RGS21: variants seen among roughly 807,000 people sequenced by gnomAD.
RGS21 encodes the protein regulator of G protein signaling 21.
RGS21 carries 19 observed loss-of-function variants against 18.7 expected under a neutral mutation model. The ratio of observed to expected loss-of-function variants is 1.01; its 90% CI spans 0.71 to 1.49. The LOEUF is 1.49. Ranked by LOEUF, RGS21 falls within the 40% of genes most tolerant of loss-of-function variation. The pLI is 0.00. For synonymous variants in RGS21, 56 were observed against 57.8 expected (o/e 0.97, Z 0.14); for missense variants, 194 against 176.8 (o/e 1.10, Z -0.55).
At chr1:192,344,358 G>A (rs1658916729) in intron 2 of RGS21, among the ~76,000 whole-genome samples, 1 of 152,028 alleles carries the variant, frequency 6.6e-6, no homozygotes, top group Non-Finnish European at 1.5e-5. Context: ...AGACAAACTT[G>A]TGTTTCAATT....
intron 1 of RGS21, among the ~76,000 whole-genome samples, chr1:192,334,223 G>A (rs982792526): frequency 6.6e-6 from 1 of 152,052 alleles, no homozygotes; most frequent in African/African-American, 2.4e-5. Context: ...TCCCCATCCA[G>A]CAGTTATTAA....
chr1:192,325,744 C>T (rs1658560684), intron 1 of RGS21, among the ~76,000 whole-genome samples: 1 of 151,968 alleles, frequency 6.6e-6, no homozygotes. Flanking sequence ...GTATGTATGT[C>T]CTCTTTTGAG....
At chr1:192,339,961 T>C (rs951543449) in intron 1 of RGS21, among the ~76,000 whole-genome samples, 1 of 152,048 alleles carries the variant, frequency 6.6e-6, no homozygotes, top group African/African-American at 2.4e-5. Flanking sequence ...ATATTATATA[T>C]GTATGTACAT....
intron 4 of RGS21, among the ~76,000 whole-genome samples, chr1:192,362,413 TA>T (rs1050342627): frequency 2.0e-5 from 3 of 151,510 alleles, no homozygotes; most frequent in East Asian, 1.9e-4. Flanking sequence ...AATTAGAAAA[TA>T]AAAAAAAGAA....
chr1:192,365,542 T>A (rs1207810120), intron 4 of RGS21, among the ~76,000 whole-genome samples: 1 of 152,146 alleles, frequency 6.6e-6, no homozygotes, highest in Non-Finnish European at 1.5e-5. Flanking sequence ...TATTCAAACC[T>A]AATAAATTCT....
At chr1:192,344,559 A>G (rs1557978440) in intron 2 of RGS21, among the ~76,000 whole-genome samples, 2 of 152,134 alleles carry the variant, frequency 1.3e-5, no homozygotes, top group Non-Finnish European at 2.9e-5. Flanking sequence ...TAGTGCTATT[A>G]TAAATATTGT....
chr1:192,357,897 C>T (rs1659132424), intron 4 of RGS21, among the ~76,000 whole-genome samples: 1 of 151,970 alleles, frequency 6.6e-6, no homozygotes, highest in Non-Finnish European at 1.5e-5. Flanking sequence ...TAATAATCTG[C>T]AGAATCATTC....
At chr1:192,348,775 A>G (rs1658992644) in intron 3 of RGS21, among the ~76,000 whole-genome samples, 1 of 152,136 alleles carries the variant, frequency 6.6e-6, no homozygotes, top group Non-Finnish European at 1.5e-5. Context: ...TTATAATATT[A>G]TTTGTATAAA....
intron 4 of RGS21, among the ~76,000 whole-genome samples, chr1:192,362,041 T>C (rs1659193670): frequency 6.6e-6 from 1 of 152,054 alleles, no homozygotes; most frequent in Non-Finnish European, 1.5e-5. Context: ...TAAACAAAAG[T>C]TTTAGGTAAA....
chr1:192,349,981 C>T (rs1311712210), intron 3 of RGS21, among the ~76,000 whole-genome samples: 1 of 152,148 alleles, frequency 6.6e-6, no homozygotes, highest in Non-Finnish European at 1.5e-5. Context: ...TATAAAAATA[C>T]ATCTTAGCAT....
At chr1:192,339,247 G>A (rs2102228392) in intron 1 of RGS21, among the ~76,000 whole-genome samples, 1 of 151,252 alleles carries the variant, frequency 6.6e-6, no homozygotes, top group African/African-American at 2.4e-5. Context: ...ACATTGTTTA[G>A]CACTTGCATC....
intron 2 of RGS21, among the ~76,000 whole-genome samples, chr1:192,345,461 T>C (rs1421818215): frequency 6.6e-6 from 1 of 152,102 alleles, no homozygotes; most frequent in Non-Finnish European, 1.5e-5. Flanking sequence ...TATGTGTCAA[T>C]ATTTGGGGTT....
intron 1 of RGS21, among the ~76,000 whole-genome samples, chr1:192,328,326 T>C (rs538690891): frequency 6.6e-6 from 1 of 152,326 alleles, no homozygotes; most frequent in African/African-American, 2.4e-5. Context: ...GAATTAGAGA[T>C]AAAAATTAAA....
intron 4 of RGS21, among the ~76,000 whole-genome samples, chr1:192,355,786 A>G (rs1571462093): frequency 6.6e-6 from 1 of 151,178 alleles, no homozygotes; most frequent in South Asian, 2.1e-4. Context: ...TAATATTTTC[A>G]TATTCAGCTA....
chr1:192,328,906 G>A (rs890225990), intron 1 of RGS21, among the ~76,000 whole-genome samples: 1 of 151,978 alleles, frequency 6.6e-6, no homozygotes, highest in African/African-American at 2.4e-5. Flanking sequence ...ATTAAAGCTT[G>A]ATATTGAAGT....
intron 4 of RGS21, among the ~76,000 whole-genome samples, chr1:192,353,595 A>C (rs1465044890): frequency 3.3e-5 from 5 of 151,826 alleles, no homozygotes; most frequent in African/African-American, 1.2e-4. Flanking sequence ...TAATATTTTG[A>C]AACATTGTGT....
intron 4 of RGS21, among the ~76,000 whole-genome samples, chr1:192,357,689 T>C (rs1659130502): frequency 6.6e-6 from 1 of 151,916 alleles, no homozygotes; most frequent in Non-Finnish European, 1.5e-5. Context: ...ATTTGAAGTG[T>C]TTATGACATA....
intron 1 of RGS21, among the ~76,000 whole-genome samples, chr1:192,319,450 T>C: frequency 6.6e-6 from 1 of 152,166 alleles, no homozygotes; most frequent in East Asian, 1.9e-4. Context: ...TAAAAATTGA[T>C]ATTTGGAAAG....
chr1:192,320,922 C>T (rs923456011), intron 1 of RGS21, among the ~76,000 whole-genome samples: 2 of 151,898 alleles, frequency 1.3e-5, no homozygotes, highest in African/African-American at 2.4e-5. Context: ...ATTTACAAAA[C>T]TTTGACTCCC....
Sources: allele counts gnomAD v4.1 joint callset (sites outside exome capture counted in the v4.1 genomes callset), GRCh38; gene constraint gnomAD v4.1.1; transcripts MANE v1.5; gene names NCBI Gene and HGNC (gene_info 2026-07-23, HGNC 2026-07-21).